The following BMS1 variants were observed in gnomAD, a reference collection of about 807,000 sequenced individuals.
BMS1 encodes ribosome biogenesis protein BMS1 homolog.
In BMS1, 53 loss-of-function variants were observed where a neutral mutation model predicts 138.7. That is an observed-to-expected ratio of 0.38 (90% CI 0.31 to 0.48). The LOEUF (loss-of-function observed/expected upper bound fraction) is 0.48. Among genes scored for constraint, BMS1 ranks in the 20% least tolerant of loss-of-function variants. BMS1 has a pLI of 0.97. For missense variants in BMS1, 1,360 were observed against 1,565.5 expected, an observed-to-expected ratio of 0.87 and a Z score of 2.22; for synonymous variants, 504 against 539.9, an observed-to-expected ratio of 0.93 and a Z score of 0.92.
intron 4 of BMS1, among the ~76,000 whole-genome samples, chr10:42,788,753 A>G (rs201165403): frequency 7.4e-4 from 113 of 152,350 alleles, no homozygotes; most frequent in Non-Finnish European, 1.4e-3. Flanking sequence ...ACTGTAATGC[A>G]GGGTGCACAC....
In BMS1 at chr10:42,790,889, C is replaced by T. The variant is rs940690576; in HGVS notation, c.636+378C>T. 9.8e-5 allele frequency among the ~76,000 whole-genome samples: 15 copies of T among 152,296 alleles called. No homozygotes were observed. The East Asian group carries it at 2.1e-3, about 22-fold the overall frequency. ...ACTAAAGAGACATTACTAAACGTCT[C>T]TCTAGGATTCGCCTCCTGAATTTCC... On this transcript the variant is annotated intron_variant, in intron 5 of 22. Coordinates refer to ENST00000374518, the MANE Select transcript of BMS1 (RefSeq NM_014753.4).
intron 21 of BMS1, among the ~76,000 whole-genome samples, chr10:42,829,164 T>C (rs1842735258): frequency 6.6e-6 from 1 of 152,030 alleles, no homozygotes; most frequent in African/African-American, 2.4e-5. Context: ...TACAAAAAAT[T>C]AGCCAGGCGT....
chr10:42,833,081 G>A lies in BMS1; in HGVS notation c.*1985G>A, dbSNP rs1816580893. On this transcript the variant is annotated 3_prime_UTR_variant, in exon 23 of 23. Coordinates refer to ENST00000374518, the MANE Select transcript of BMS1 (RefSeq NM_014753.4). Reference sequence around the variant, plus strand: ...GTATAGTTTTATATTTTAGCCAGAAGAGTGGAATCCTTTAGCAATGGGGGA... The same window carrying A: ...GTATAGTTTTATATTTTAGCCAGAAAAGTGGAATCCTTTAGCAATGGGGGA... 6.6e-6 allele frequency: 1 copy of A among 152,162 alleles called. No homozygotes were observed. The highest frequency in any genetic ancestry group is 6.5e-5 in the Admixed American group (1 of 15,280). The allele number at this position is 152,162 out of a possible 1,614,324, so 9.4% of individuals were successfully genotyped here.
chr10:42,793,273 C>A, intron 8 of BMS1, 129 bp downstream of exon 8: 1 of 863,026 alleles, frequency 1.2e-6, no homozygotes, highest in Non-Finnish European at 1.7e-6. Context: ...ATAATAAAGG[C>A]CCAAATGCAT....
chr10:42,800,383 C>T (rs528802853), intron 12 of BMS1, among the ~76,000 whole-genome samples: 4 of 152,090 alleles, frequency 2.6e-5, no homozygotes, highest in African/African-American at 9.7e-5. Context: ...TGCCTAGAAC[C>T]ATACCAATTT....
At chr10:42,816,488 C>A in intron 13 of BMS1, 111 bp from the exon 14 acceptor site, 2 of 755,408 alleles carry the variant, frequency 2.6e-6, no homozygotes, top group Non-Finnish European at 4.2e-6. Flanking sequence ...GTGACAGGAA[C>A]AGTGAGAATG....
Position 42,792,474 on chromosome 10 carries a change from A to G in BMS1, c.780-19A>G. ...ACTTTTGGCATTCATTTCTGCTGTG[A>G]TTGAATTTATTTTTCTAGGATGGAA... On this transcript the variant is annotated intron_variant, in intron 6 of 22. Coordinates refer to ENST00000374518, the MANE Select transcript of BMS1 (RefSeq NM_014753.4). 6.2e-7 allele frequency: 1 copy of G among 1,610,090 alleles called. No homozygotes were observed. The highest frequency in any genetic ancestry group is 1.7e-5 in the Admixed American group (1 of 59,738).
In BMS1 at chr10:42,830,377, G is replaced by A. The variant is rs370668862; in HGVS notation, c.3573G>A (p.Lys1191=). 1 of 1,613,738 alleles carries A rather than the reference G, an allele frequency of 6.2e-7. No individual in the cohort carries two copies. The highest frequency in any genetic ancestry group is 8.5e-7 in the Non-Finnish European group (1 of 1,179,952). The change falls in exon 22 of 23, where the codon AAG becomes AAA. Residue 1191 remains lysine, a synonymous_variant. Coordinates refer to ENST00000374518, the MANE Select transcript of BMS1 (RefSeq NM_014753.4). Reference sequence around the variant, plus strand: ...AAGCAAAGGCAGGCAAGGTGCCAAAGGACAGGCGGAGACCGGCCGTCATAC... The same window carrying A: ...AAGCAAAGGCAGGCAAGGTGCCAAAAGACAGGCGGAGACCGGCCGTCATAC... ...KTQAKAGKVP[K]DRRRPAVIRE...
chr10:42,797,438 G>GGAA lies in BMS1; in HGVS notation c.2007_2009dup (p.Glu669dup). On this transcript the variant is annotated inframe_insertion, in exon 11 of 23. Coordinates refer to ENST00000374518, the MANE Select transcript of BMS1 (RefSeq NM_014753.4). ...TCGTTTCAGGTGCCCTCAAGTGGAA[G>GGAA]GAAGACCTTTCCAGAAAGGCAGCTG... The GGAA allele has an allele frequency of 6.2e-7, 1 of 1,614,176 alleles. No homozygotes were observed. The highest frequency in any genetic ancestry group is 1.7e-5 in the Admixed American group (1 of 60,020).
chr10:42,830,812 G>A (rs1588766286), intron 22 of BMS1, 54 bp from the exon 23 acceptor site: 10 of 1,467,452 alleles, frequency 6.8e-6, no homozygotes, highest in Middle Eastern at 1.9e-4. Context: ...CTTAGGATGC[G>A]AGTGTGTGGT....
At position 42,792,579 on chromosome 10, in the gene BMS1, C is replaced by A. The variant is rs1470635016; in HGVS notation, c.866C>A (p.Ala289Glu). Residue 289 changes from alanine (A) to glutamate (E), a missense_variant, in exon 7 of 23, where the codon GCA becomes GAA. Ala to Glu is a moderately radical substitution (Grantham distance 107). Transcript: ENST00000374518. ...KVSLYGYLRG[A>E]HLKNKSQIHM... is the part of the protein sequence containing the mutation. ...TCACTTTATGGTTATTTAAGAGGAGCACACTTGAAAAATAAAAGCCAAATT... is the reference window on the plus strand; with the variant it reads ...TCACTTTATGGTTATTTAAGAGGAGAACACTTGAAAAATAAAAGCCAAATT... 1.2e-6 allele frequency: 2 copies of A among 1,610,516 alleles called. No homozygotes were observed. The highest frequency in any genetic ancestry group is 1.7e-6 in the Non-Finnish European group (2 of 1,179,734).
At chr10:42,793,717 T>G in intron 8 of BMS1, 135 bp from the exon 9 acceptor site, 1 of 1,070,286 alleles carries the variant, frequency 9.3e-7, no homozygotes, top group Non-Finnish European at 1.4e-6. Context: ...AAGGATTTTC[T>G]TCTCTGCTTT....
At chr10:42,806,737 G>GAAA (rs35466848) in intron 13 of BMS1, among the ~76,000 whole-genome samples, 9 of 99,370 alleles carry the variant, frequency 9.1e-5, no homozygotes, top group Admixed American at 1.1e-4. Flanking sequence ...TCCGTCTCAG[G>GAAA]AAAAAAAAAA....
chr10:42,820,868 C>T, intron 17 of BMS1, 66 bp from the exon 18 acceptor site: 1 of 1,367,248 alleles, frequency 7.3e-7, no homozygotes, highest in East Asian at 2.3e-5. Context: ...TGTCCATATC[C>T]AGTATGTTAA....
At chr10:42,793,390 T>G (rs1157810178) in intron 8 of BMS1, among the ~76,000 whole-genome samples, 1 of 152,072 alleles carries the variant, frequency 6.6e-6, no homozygotes, top group Admixed American at 6.5e-5. Flanking sequence ...CAGGCATTGC[T>G]GCTGTGTGGC....
At chr10:42,803,750 A>T (rs1198755597) in intron 13 of BMS1, among the ~76,000 whole-genome samples, 1 of 152,084 alleles carries the variant, frequency 6.6e-6, no homozygotes, top group Non-Finnish European at 1.5e-5. Flanking sequence ...TTTTTTAATC[A>T]CTTCAGTGAG....
intron 17 of BMS1, 28 bp downstream of exon 17, chr10:42,820,716 G>A (rs2419105): frequency 3.1e-6 from 5 of 1,604,806 alleles, no homozygotes; most frequent in Non-Finnish European, 4.3e-6. Flanking sequence ...TAACTTGCCT[G>A]TTGCCAAGAT....
chr10:42,788,456 T>C (rs1345544760), intron 4 of BMS1, among the ~76,000 whole-genome samples: 1 of 152,180 alleles, frequency 6.6e-6, no homozygotes, highest in African/African-American at 2.4e-5. Flanking sequence ...TCAGGGTAAT[T>C]AGGATATCCA....
rs779913844 is a variant in BMS1 at position 42,817,381 on chromosome 10, A to G, written c.2467A>G (p.Lys823Glu). The part of the protein sequence containing the change: ...IDPDEEESAK[K>E]KHLDKKRKLK... ...CCCCGACGAAGAAGAAAGTGCCAAG[A>G]AAAAGCATTTGGATAAGAAGAGAAA... Residue 823 changes from lysine to glutamate, a missense_variant, in exon 15 of 23, where the codon AAA becomes GAA. Physicochemically the swap from Lys to Glu is moderately conservative, Grantham distance 56. Around this residue, in one of 3 missense-constraint regions of BMS1, gnomAD observed 425 missense variants for 568.3 expected, o/e 0.75. Coordinates refer to ENST00000374518, the MANE Select transcript of BMS1 (RefSeq NM_014753.4). 3.7e-6 allele frequency: 6 copies of G among 1,610,650 alleles called. No individual in the cohort carries two copies. Among genetic ancestry groups the G allele is most frequent in the Non-Finnish European group, 5.1e-6 (6 of 1,179,496 alleles).
Sources: allele counts gnomAD v4.1 joint callset (sites outside exome capture counted in the v4.1 genomes callset), GRCh38; gene constraint gnomAD v4.1.1; regional missense constraint gnomAD v4.1.1; transcripts MANE v1.5; gene names NCBI Gene and HGNC (gene_info 2026-07-23, HGNC 2026-07-21).